Variants in TNRC6C observed in about 807,000 individuals in gnomAD.
TNRC6C encodes the protein trinucleotide repeat-containing gene 6C protein.
A neutral mutation model predicts 153.7 loss-of-function variants in TNRC6C; 20 were observed. That is an observed-to-expected ratio of 0.13 (90% CI 0.09 to 0.19). The LOEUF (loss-of-function observed/expected upper bound fraction) is 0.19. TNRC6C is among the 10% of genes least tolerant of loss of function. The pLI is 1.00. For missense variants in TNRC6C, 1,987 were observed against 2,172.0 expected (o/e 0.91, Z 1.69); for synonymous variants, 811 against 841.4 (o/e 0.96, Z 0.63).
intron 10 of TNRC6C, among the ~76,000 whole-genome samples, chr17:78,081,656 G>A (rs1286607504): frequency 1.3e-5 from 2 of 152,246 alleles, no homozygotes; most frequent in Non-Finnish European, 2.9e-5. Flanking sequence ...AGGGGAAAAG[G>A]CAGCACTACT....
exon 20 of TNRC6C, chr17:78,106,023 C>T (rs1176973368): frequency 1.3e-5 from 2 of 150,766 alleles, no homozygotes; most frequent in Non-Finnish European, 2.9e-5. Flanking sequence ...GAGTATTGCA[C>T]CATTTTTCCA....
At chr17:78,045,741 G>A (rs2072396104) in intron 2 of TNRC6C, among the ~76,000 whole-genome samples, 1 of 152,166 alleles carries the variant, frequency 6.6e-6, no homozygotes. Context: ...TTAATTCAGG[G>A]ATCAGATGGG....
At chr17:78,053,006 C>G (rs1369388527) in intron 3 of TNRC6C, among the ~76,000 whole-genome samples, 1 of 152,182 alleles carries the variant, frequency 6.6e-6, no homozygotes, top group Admixed American at 6.5e-5. Flanking sequence ...CCTGAAAAGT[C>G]TGACATTGGA....
At position 78,091,579 on chromosome 17, in the gene TNRC6C, C is replaced by T. The variant is rs774784375; in HGVS notation, c.3942C>T (p.Ser1314=). The change falls in exon 14 of 20, where the codon TCC becomes TCT. Residue 1314 remains serine (S), a synonymous_variant. Transcript: ENST00000301624. ...TGGATAACTTGCCCAGTGCCGCTTC[C>T]CCCCTGGAGCAGAACCCTAGCAAGC... The T allele has an allele frequency of 2.5e-6, 4 of 1,576,798 alleles. No homozygotes were observed. The Admixed American group carries it at 7.3e-5, about 29-fold the overall frequency.
At chr17:77,979,206 G>A (rs564942801) in intron 1 of TNRC6C, among the ~76,000 whole-genome samples, 76 of 152,252 alleles carry the variant, frequency 5.0e-4, no homozygotes, top group Non-Finnish European at 6.8e-4. Flanking sequence ...GTGCAATATA[G>A]GGTGACAATA....
chr17:78,091,736 A>C, intron 14 of TNRC6C, 129 bp downstream of exon 16: 1 of 1,099,216 alleles, frequency 9.1e-7, no homozygotes, highest in Non-Finnish European at 1.2e-6. Flanking sequence ...AAAATAACCC[A>C]TTCCATTATA....
intron 1 of TNRC6C, among the ~76,000 whole-genome samples, chr17:77,963,994 A>G (rs900811769): frequency 6.6e-6 from 1 of 152,162 alleles, no homozygotes; most frequent in Admixed American, 6.5e-5. Context: ...TTTCTGTTGG[A>G]GAACCACTGC....
At chr17:78,060,516 A>G (rs1023202694) in intron 3 of TNRC6C, among the ~76,000 whole-genome samples, 8 of 128,072 alleles carry the variant, frequency 6.2e-5, no homozygotes, top group African/African-American at 2.4e-4. Flanking sequence ...TCTGTCGCCC[A>G]GGCTGGAGTG....
intron 1 of TNRC6C, among the ~76,000 whole-genome samples, chr17:77,982,059 T>G (rs986100712): frequency 3.3e-5 from 5 of 152,182 alleles, no homozygotes; most frequent in African/African-American, 1.2e-4. Flanking sequence ...AGTTCTTGCT[T>G]CTTTCTGTCT....
exon 4 of TNRC6C, chr17:78,064,849 C>T: frequency 6.2e-7 from 1 of 1,613,366 alleles, no homozygotes; most frequent in African/African-American, 1.3e-5. Flanking sequence ...CCAGCAGTGG[C>T]AGCGGGTGGG....
chr17:78,047,664 G>T (rs1266156816), intron 2 of TNRC6C, among the ~76,000 whole-genome samples: 1 of 152,030 alleles, frequency 6.6e-6, no homozygotes, highest in Non-Finnish European at 1.5e-5. Context: ...AATTTGAAGA[G>T]AACATAATTA....
chr17:78,049,701 T>G lies in TNRC6C; in HGVS notation c.639T>G (p.Gly213=). Residue 213 remains glycine (G), a synonymous_variant, in exon 3 of 20, where the codon GGT becomes GGG. Coordinates refer to ENST00000301624, the Ensembl canonical transcript of TNRC6C. The surrounding 1 kb of genome is among the most constrained non-coding windows in gnomAD (Gnocchi z 4.1). ...TGCCAAACTGGGGCATGGCTGTTGG[T>G]ATGGGGGCCATCATCCCGCCCCACC... The G allele has an allele frequency of 6.2e-7, 1 of 1,605,260 alleles. No homozygotes were observed. The highest frequency in any genetic ancestry group is 8.5e-7 in the Non-Finnish European group (1 of 1,174,048).
At chr17:78,060,413 A>T (rs1375921240) in intron 3 of TNRC6C, among the ~76,000 whole-genome samples, 1 of 152,002 alleles carries the variant, frequency 6.6e-6, no homozygotes, top group African/African-American at 2.4e-5. Flanking sequence ...TAAAAAGCCA[A>T]GCACATAGCA....
chr17:78,055,225 A>G (rs1301841765), intron 3 of TNRC6C, among the ~76,000 whole-genome samples: 2 of 151,908 alleles, frequency 1.3e-5, no homozygotes, highest in Non-Finnish European at 2.9e-5. Context: ...TTTTTTTTGT[A>G]CCTTTTAAAC....
chr17:78,077,162 T>C, intron 8 of TNRC6C, 23 bp from the exon 11 acceptor site: 1 of 1,593,752 alleles, frequency 6.3e-7, no homozygotes, highest in Non-Finnish European at 8.5e-7. Context: ...TGCACACAGC[T>C]CACCCTTTCT....
intron 3 of TNRC6C, among the ~76,000 whole-genome samples, chr17:78,056,744 C>A (rs2072664111): frequency 6.6e-6 from 1 of 151,812 alleles, no homozygotes; most frequent in African/African-American, 2.4e-5. Context: ...GAATTACAGG[C>A]GTGAGCCACC....
chr17:78,085,009 C>T (rs1177141663), intron 11 of TNRC6C, among the ~76,000 whole-genome samples: 1 of 152,166 alleles, frequency 6.6e-6, no homozygotes, highest in African/African-American at 2.4e-5. Context: ...TGCACATGTG[C>T]AGTCCTATTG....
chr17:77,968,272 T>TA (rs1040590877), intron 1 of TNRC6C, among the ~76,000 whole-genome samples: 2 of 151,982 alleles, frequency 1.3e-5, no homozygotes, highest in Non-Finnish European at 2.9e-5. Context: ...GACCTCGTGA[T>TA]TCGCCCACCT....
In TNRC6C at chr17:77,992,246, T is replaced by C. The variant is rs1263225715; in HGVS notation, c.-37-11924T>C. 4.3e-5 allele frequency among the ~76,000 whole-genome samples: 5 copies of C among 117,060 alleles called. 2 individuals carry two copies. The highest frequency in any genetic ancestry group is 8.4e-5 in the Non-Finnish European group (5 of 59,670). 76.8% of individuals were successfully genotyped at this position (117,060 alleles called of 152,430 possible). A position where few individuals can be genotyped will look rare whatever the true frequency, so the allele number is the denominator to read the frequency against. On this transcript the variant is annotated intron_variant, in intron 1 of 22. Coordinates refer to the TNRC6C transcript ENST00000636222. ...CGGGCGCGGTGGCTCACGCCTGTAA[T>C]CCCAGCACTTTGGGAGGCCGAGACG...
Sources: allele counts gnomAD v4.1 joint callset (sites outside exome capture counted in the v4.1 genomes callset), GRCh38; gene constraint gnomAD v4.1.1; non-coding constraint Gnocchi (gnomAD v3.1); transcripts MANE v1.5; gene names NCBI Gene and HGNC (gene_info 2026-07-23, HGNC 2026-07-21).